Variants in SLC4A4 observed in about 807,000 individuals in gnomAD.
The protein encoded by SLC4A4 is electrogenic sodium bicarbonate cotransporter 1.
In SLC4A4, 27 loss-of-function variants were observed where a neutral mutation model predicts 111.5. That is an observed-to-expected ratio of 0.24 (90% CI 0.18 to 0.33). SLC4A4 has a LOEUF of 0.33. Among genes scored for constraint, SLC4A4 ranks in the 10% least tolerant of loss-of-function variants. The pLI is 1.00. For synonymous variants in SLC4A4, 443 were observed against 463.4 expected, an observed-to-expected ratio of 0.96 and a Z score of 0.57; for missense variants, 909 against 1,315.5, an observed-to-expected ratio of 0.69 and a Z score of 4.78.
intron 2 of SLC4A4, among the ~76,000 whole-genome samples, chr4:71,098,728 T>G (rs1439575743): frequency 6.6e-6 from 1 of 152,028 alleles, no homozygotes; most frequent in Non-Finnish European, 1.5e-5. Flanking sequence ...CCATTCCACA[T>G]GTAATGACAA....
chr4:71,086,785 TG>T (rs1742188853), intron 1 of SLC4A4, among the ~76,000 whole-genome samples: 1 of 152,110 alleles, frequency 6.6e-6, no homozygotes, highest in African/African-American at 2.4e-5. Context: ...AGCTTCTTGA[TG>T]GGCTGCTGGA....
intron 3 of SLC4A4, among the ~76,000 whole-genome samples, chr4:71,327,519 T>A (rs1727596146): frequency 6.6e-6 from 1 of 151,952 alleles, no homozygotes; most frequent in African/African-American, 2.4e-5. Flanking sequence ...TGTAAGGGAA[T>A]AATAAAAGTA....
At position 71,534,301 on chromosome 4, in the gene SLC4A4, T is replaced by C; in HGVS notation, c.2355T>C (p.Ala785=). 1 of 1,613,778 alleles carries C rather than the reference T, an allele frequency of 6.2e-7. No homozygotes were observed. Among genetic ancestry groups the C allele is most frequent in the Non-Finnish European group, 8.5e-7 (1 of 1,179,796 alleles). The change falls in exon 18 of 26, where the codon GCT becomes GCC. Residue 785 remains alanine, a synonymous_variant. Transcript: ENST00000264485. ...ENPWWVCLAA[A]IPALLVTILI... ...CCTGGTGGGTGTGCCTTGCTGCTGC[T>C]ATCCCGGCTTTGTTGGTCACTATAC...
At chr4:71,231,834 A>G (rs944090141) in intron 1 of SLC4A4, among the ~76,000 whole-genome samples, 2 of 152,192 alleles carry the variant, frequency 1.3e-5, no homozygotes, top group East Asian at 3.8e-4. Context: ...ATTTCTTCCT[A>G]TTGATAGAAG....
In SLC4A4 at chr4:71,412,677, A is replaced by T. The variant is rs73828146; in HGVS notation, c.807+15024A>T. On this transcript the variant is annotated intron_variant, in intron 7 of 25. Transcript: ENST00000264485. Reference sequence around the variant, plus strand: ...ATTATAGACTGTGAGATGAATCGGTAAATAATGTAGGATGTTAGATGTCCT... The same window carrying T: ...ATTATAGACTGTGAGATGAATCGGTTAATAATGTAGGATGTTAGATGTCCT... 7.6e-3 allele frequency among the ~76,000 whole-genome samples: 1,160 copies of T among 152,302 alleles called. 16 individuals are homozygous for T. Among genetic ancestry groups the T allele is most frequent in the African/African-American group, 0.025 (1,021 of 41,560 alleles).
intron 1 of SLC4A4, among the ~76,000 whole-genome samples, chr4:71,082,324 T>A (rs1325409948): frequency 6.9e-6 from 1 of 145,272 alleles, no homozygotes; most frequent in Non-Finnish European, 1.5e-5. Flanking sequence ...AACACGTTAT[T>A]TGCAAATAAC....
At chr4:71,112,661 C>A (rs1424274762) in intron 2 of SLC4A4, among the ~76,000 whole-genome samples, 1 of 152,132 alleles carries the variant, frequency 6.6e-6, no homozygotes, top group African/African-American at 2.4e-5. Context: ...GCAGACTGAC[C>A]TTGTGGGCTT....
intron 2 of SLC4A4, among the ~76,000 whole-genome samples, chr4:71,103,554 AG>A: frequency 6.6e-6 from 1 of 152,346 alleles, no homozygotes; most frequent in Admixed American, 6.5e-5. Context: ...AAAAGAACAG[AG>A]ATTGTAACAA....
At chr4:71,558,157 A>G (rs1315739020) in intron 22 of SLC4A4, among the ~76,000 whole-genome samples, 1 of 151,932 alleles carries the variant, frequency 6.6e-6, no homozygotes, top group Non-Finnish European at 1.5e-5. Flanking sequence ...GTAAAATGGG[A>G]GTTGCATTGT....
At chr4:71,239,542 G>A (rs1720046424) in intron 2 of SLC4A4, among the ~76,000 whole-genome samples, 2 of 152,152 alleles carry the variant, frequency 1.3e-5, no homozygotes, top group South Asian at 4.2e-4. Context: ...CTCTCAGTGG[G>A]TGGCATGACA....
At chr4:71,383,633 T>A (rs1718379903) in intron 6 of SLC4A4, among the ~76,000 whole-genome samples, 1 of 152,118 alleles carries the variant, frequency 6.6e-6, no homozygotes, top group Admixed American at 6.5e-5. Context: ...ATGCACATGA[T>A]TACAGGGCAA....
chr4:71,165,158 A>T (rs1046504482), intron 2 of SLC4A4, among the ~76,000 whole-genome samples: 107 of 152,280 alleles, frequency 7.0e-4, no homozygotes, highest in African/African-American at 2.5e-3. Flanking sequence ...TTCCTCAAGG[A>T]TCTAAAACCA....
intron 3 of SLC4A4, among the ~76,000 whole-genome samples, chr4:71,322,634 C>T (rs1578834545): frequency 6.6e-6 from 1 of 151,960 alleles, no homozygotes; most frequent in African/African-American, 2.4e-5. Context: ...GATGTGTTCA[C>T]TCTTAAGCAG....
intron 1 of SLC4A4, among the ~76,000 whole-genome samples, chr4:71,198,863 T>A (rs1746127074): frequency 6.6e-6 from 1 of 152,062 alleles, no homozygotes; most frequent in South Asian, 2.1e-4. Context: ...TTTTAAAAAG[T>A]TTAAGTTTAT....
intron 2 of SLC4A4, among the ~76,000 whole-genome samples, chr4:71,154,978 G>T (rs747342849): frequency 6.6e-6 from 1 of 152,076 alleles, no homozygotes; most frequent in South Asian, 2.1e-4. Flanking sequence ...GCTACAATAC[G>T]GTCTAAATTT....
At chr4:71,246,869 T>G (rs1039789772) in intron 2 of SLC4A4, among the ~76,000 whole-genome samples, 31 of 152,116 alleles carry the variant, frequency 2.0e-4, no homozygotes, top group Non-Finnish European at 4.1e-4. Flanking sequence ...TATACGTCAT[T>G]AATTGCCTAT....
At chr4:71,426,179 T>G (rs373649018) in intron 7 of SLC4A4, among the ~76,000 whole-genome samples, 53 of 152,146 alleles carry the variant, frequency 3.5e-4, no homozygotes, top group African/African-American at 1.2e-3. Flanking sequence ...GTTTCAATGT[T>G]AATGCTGGTC....
intron 1 of SLC4A4, among the ~76,000 whole-genome samples, chr4:71,088,052 A>C (rs1742245201): frequency 6.6e-6 from 1 of 151,908 alleles, no homozygotes; most frequent in African/African-American, 2.4e-5. Context: ...GTCTCTTTGT[A>C]GGTCTCTAAG....
At chr4:71,336,826 A>G (rs1415142970) in intron 3 of SLC4A4, among the ~76,000 whole-genome samples, 1 of 152,244 alleles carries the variant, frequency 6.6e-6, no homozygotes, top group African/African-American at 2.4e-5. Context: ...TCAATGGTGA[A>G]TGGCAGCATC....
Sources: allele counts gnomAD v4.1 joint callset (sites outside exome capture counted in the v4.1 genomes callset), GRCh38; gene constraint gnomAD v4.1.1; transcripts MANE v1.5; gene names NCBI Gene and HGNC (gene_info 2026-07-23, HGNC 2026-07-21).